The following FER variants were observed in gnomAD, a reference collection of about 807,000 sequenced individuals.
The protein encoded by FER is tyrosine-protein kinase Fer.
FER carries 63 observed loss-of-function variants against 111.0 expected under a neutral mutation model. The ratio of observed to expected loss-of-function variants is 0.57; its 90% CI spans 0.46 to 0.70. FER has a LOEUF of 0.70. Among genes scored for constraint, FER ranks in the 30% least tolerant of loss-of-function variants. FER has a pLI of 0.00. For missense variants in FER, 914 were observed against 954.0 expected (o/e 0.96, Z 0.55); for synonymous variants, 327 against 313.9 (o/e 1.04, Z -0.44).
At chr5:108,907,257 T>C (rs1219059380) in intron 10 of FER, among the ~76,000 whole-genome samples, 1 of 152,032 alleles carries the variant, frequency 6.6e-6, no homozygotes, top group Non-Finnish European at 1.5e-5. Context: ...CTCCCTCCTC[T>C]GCCTTCTCAT....
At chr5:108,979,905 G>C (rs149594780) in intron 13 of FER, among the ~76,000 whole-genome samples, 2 of 152,226 alleles carry the variant, frequency 1.3e-5, no homozygotes, top group Admixed American at 1.3e-4. Flanking sequence ...AGTTGTGGAG[G>C]TTCTAGGACC....
intron 17 of FER, among the ~76,000 whole-genome samples, chr5:109,142,931 G>A (rs987087649): frequency 3.3e-5 from 5 of 152,104 alleles, no homozygotes; most frequent in Admixed American, 2.0e-4. Context: ...CCTCTTCAAT[G>A]TTAGGGAGAT....
chr5:109,184,339 C>T (rs1758622763), intron 18 of FER, among the ~76,000 whole-genome samples: 1 of 152,136 alleles, frequency 6.6e-6, no homozygotes, highest in Non-Finnish European at 1.5e-5. Context: ...AAGATAAGAA[C>T]AATAGGACCT....
chr5:108,879,785 CT>C (rs1765500638), intron 8 of FER, among the ~76,000 whole-genome samples: 1 of 148,550 alleles, frequency 6.7e-6, no homozygotes, highest in South Asian at 2.1e-4. Context: ...TCTTGGGTCA[CT>C]GTAACCTCCG....
intron 16 of FER, among the ~76,000 whole-genome samples, chr5:109,097,888 G>C (rs530928643): frequency 6.6e-6 from 1 of 151,802 alleles, no homozygotes; most frequent in East Asian, 1.9e-4. Context: ...CTTCCCTCTA[G>C]TTTTCTACAA....
chr5:108,992,440 C>T (rs1763324095), intron 13 of FER, among the ~76,000 whole-genome samples: 1 of 152,034 alleles, frequency 6.6e-6, no homozygotes, highest in South Asian at 2.1e-4. Flanking sequence ...CCTCACTTCC[C>T]AGTAGGGGCG....
At chr5:108,856,534 G>A (rs1191414928) in intron 5 of FER, among the ~76,000 whole-genome samples, 2 of 152,118 alleles carry the variant, frequency 1.3e-5, no homozygotes, top group African/African-American at 4.8e-5. Context: ...AATTAATGAT[G>A]ATCTCTACAT....
At chr5:109,151,100 T>C (rs1309790874) in intron 17 of FER, among the ~76,000 whole-genome samples, 3 of 152,202 alleles carry the variant, frequency 2.0e-5, no homozygotes, top group Non-Finnish European at 4.4e-5. Context: ...AAAATTGTTG[T>C]AATTCGCTGA....
At chr5:109,074,702 G>C (rs917969436) in intron 16 of FER, among the ~76,000 whole-genome samples, 7 of 152,238 alleles carry the variant, frequency 4.6e-5, no homozygotes, top group African/African-American at 1.7e-4. Context: ...AATCTTCATG[G>C]AAATTGAAGA....
intron 16 of FER, among the ~76,000 whole-genome samples, chr5:109,080,583 C>A (rs1278475650): frequency 6.6e-6 from 1 of 151,986 alleles, no homozygotes; most frequent in East Asian, 1.9e-4. Flanking sequence ...AGTTCTCTGG[C>A]AATCTGTAAG....
chr5:109,173,763 C>G (rs530218246), intron 17 of FER, among the ~76,000 whole-genome samples: 36 of 147,128 alleles, frequency 2.4e-4, no homozygotes, highest in Admixed American at 9.5e-4. Context: ...ACCTCCCCCC[C>G]CCCCACAAGT....
At chr5:108,837,030 C>A (rs916630330) in intron 5 of FER, among the ~76,000 whole-genome samples, 1 of 152,114 alleles carries the variant, frequency 6.6e-6, no homozygotes, top group Non-Finnish European at 1.5e-5. Context: ...GTAGATATAT[C>A]TTTTGAAATG....
At chr5:108,935,291 G>A (rs1160303354) in intron 10 of FER, among the ~76,000 whole-genome samples, 2 of 152,022 alleles carry the variant, frequency 1.3e-5, no homozygotes, top group Non-Finnish European at 2.9e-5. Flanking sequence ...CTAGCTTCTT[G>A]TGGCTGCTGG....
chr5:108,835,184 A>ACC (rs1337713990), intron 4 of FER, among the ~76,000 whole-genome samples: 452 of 28,890 alleles, frequency 0.016, 36 homozygotes, highest in African/African-American at 0.023. Context: ...CGTTTGCGCC[A>ACC]CCCCCCCCCC....
At chr5:108,807,635 T>A (rs1757337978) in intron 3 of FER, among the ~76,000 whole-genome samples, 2 of 152,174 alleles carry the variant, frequency 1.3e-5, no homozygotes, top group African/African-American at 4.8e-5. Context: ...TTTTCTTTGG[T>A]TTTGGTTACT....
rs566764616 is a variant in FER at position 109,112,068 on chromosome 5, C to T, written c.2048+11549C>T. 3.9e-5 allele frequency among the ~76,000 whole-genome samples: 6 copies of T among 151,918 alleles called. No individual in the cohort carries two copies. The East Asian group carries it at 1.2e-3, about 29-fold the overall frequency. On this transcript the variant is annotated intron_variant, in intron 17 of 19. Coordinates refer to ENST00000281092, the MANE Select transcript of FER (RefSeq NM_005246.4). ...TTCTTTTATTACACAGTTTTATTTG[C>T]TTTTTGTGGGGAAAGAAGTAATGCA...
At chr5:108,993,331 G>A (rs527296470) in intron 13 of FER, among the ~76,000 whole-genome samples, 348 of 152,346 alleles carry the variant, frequency 2.3e-3, no homozygotes, top group Non-Finnish European at 3.9e-3. Context: ...GCGGTTAGGA[G>A]CTAGAGACCA....
At chr5:108,822,461 T>A (rs1758953660) in intron 3 of FER, among the ~76,000 whole-genome samples, 1 of 152,148 alleles carries the variant, frequency 6.6e-6, no homozygotes, top group Non-Finnish European at 1.5e-5. Flanking sequence ...TGCTGTGTCA[T>A]AACACAGGGA....
At chr5:109,091,011 G>A (rs1172380981) in intron 16 of FER, among the ~76,000 whole-genome samples, 1 of 152,172 alleles carries the variant, frequency 6.6e-6, no homozygotes, top group Non-Finnish European at 1.5e-5. Context: ...AATCAAAAGG[G>A]GAACAGAGCA....
Sources: gnomAD v4.1 joint callset for allele counts (sites outside exome capture counted in the v4.1 genomes callset) on GRCh38, gnomAD v4.1.1 for gene constraint, MANE v1.5 for transcripts, NCBI Gene and HGNC (gene_info 2026-07-23, HGNC 2026-07-21) for gene names.